The following AMPH variants were observed in gnomAD, a reference collection of about 807,000 sequenced individuals.
The protein encoded by AMPH is amphiphysin.
AMPH carries 49 observed loss-of-function variants against 99.1 expected under a neutral mutation model. That is an observed-to-expected ratio of 0.49 (90% CI 0.39 to 0.63). The LOEUF (loss-of-function observed/expected upper bound fraction) is 0.63. Ranked by LOEUF, AMPH falls within the 20% of genes least tolerant of loss-of-function variation. The pLI is 0.00. For synonymous variants in AMPH, 314 were observed against 317.3 expected (o/e 0.99, Z 0.11); for missense variants, 759 against 863.4 (o/e 0.88, Z 1.52).
chr7:38,384,845 T>A lies in AMPH; in HGVS notation c.2061A>T (p.Pro687=), dbSNP rs757656362. The change falls in exon 21 of 21, where the codon CCA becomes CCT. Residue 687 remains proline, a synonymous_variant. Transcript: ENST00000356264. ...AATCTAAGCGTCGGGTGAAGTTCTC[T>A]GGAAAGAGGCCTTTGTAGGTGGCAA... ...RDLATYKGLF[P]ENFTRRLD The A allele has an allele frequency of 3.1e-6, 5 of 1,613,966 alleles. No individual in the cohort carries two copies. In the African/African-American group the frequency reaches 4.0e-5, roughly 13 times the overall value.
chr7:38,418,721 C>G (rs992026171), intron 16 of AMPH, among the ~76,000 whole-genome samples: 4 of 152,076 alleles, frequency 2.6e-5, no homozygotes, highest in African/African-American at 9.7e-5. Context: ...TTTAAAGAAC[C>G]ACAGGGCAGT....
At chr7:38,431,666 A>C (rs1786034551) in intron 13 of AMPH, among the ~76,000 whole-genome samples, 1 of 152,116 alleles carries the variant, frequency 6.6e-6, no homozygotes, top group Non-Finnish European at 1.5e-5. Context: ...TAAAAAAAAA[A>C]AAAAAAAAAA....
At chr7:38,545,089 A>G (rs1321206725) in intron 1 of AMPH, among the ~76,000 whole-genome samples, 1 of 152,242 alleles carries the variant, frequency 6.6e-6, no homozygotes, top group Non-Finnish European at 1.5e-5. Flanking sequence ...GAGCAATTCT[A>G]TAATTTCAAG....
chr7:38,582,736 A>G (rs1432472828), intron 1 of AMPH, among the ~76,000 whole-genome samples: 2 of 152,216 alleles, frequency 1.3e-5, no homozygotes, highest in Admixed American at 6.5e-5. Flanking sequence ...ACATGCATGC[A>G]TATACTTATA....
At chr7:38,593,503 G>A (rs1411524107) in intron 1 of AMPH, among the ~76,000 whole-genome samples, 2 of 152,170 alleles carry the variant, frequency 1.3e-5, no homozygotes, top group African/African-American at 2.4e-5. Context: ...AATATTAAAG[G>A]ACCTGTAATT....
At chr7:38,605,370 T>C (rs1015554367) in intron 1 of AMPH, among the ~76,000 whole-genome samples, 2 of 152,208 alleles carry the variant, frequency 1.3e-5, no homozygotes, top group Non-Finnish European at 2.9e-5. Context: ...TTCTGCTGTA[T>C]ATTAGTCAAT....
intron 5 of AMPH, among the ~76,000 whole-genome samples, chr7:38,483,110 G>A (rs1468151460): frequency 6.6e-6 from 1 of 152,144 alleles, no homozygotes; most frequent in Admixed American, 6.6e-5. Context: ...TCAGTGAAGA[G>A]TGAAGAAATA....
intron 3 of AMPH, among the ~76,000 whole-genome samples, chr7:38,503,021 C>A (rs189214764): frequency 6.8e-6 from 1 of 146,722 alleles, no homozygotes; most frequent in Non-Finnish European, 1.5e-5. Context: ...GGGCAGGCAG[C>A]GTGATGATGG....
In AMPH at chr7:38,417,788, C is replaced by T. The variant is rs377750480; in HGVS notation, c.1398+37G>A. 8.1e-6 allele frequency: 13 copies of T among 1,608,240 alleles called. No homozygotes were observed. In the African/African-American group the frequency reaches 1.2e-4, roughly 15 times the overall value. ...CATGAGATGAGCATGGCTGTGGCAGCGAGGCAGATGGAGGGTGAGAGGGAG... is the reference window on the plus strand; with the variant it reads ...CATGAGATGAGCATGGCTGTGGCAGTGAGGCAGATGGAGGGTGAGAGGGAG... On this transcript the variant is annotated intron_variant, in intron 17 of 20. Coordinates refer to ENST00000356264, the MANE Select transcript of AMPH (RefSeq NM_001635.4).
intron 11 of AMPH, among the ~76,000 whole-genome samples, chr7:38,457,164 T>C (rs906735191): frequency 1.3e-5 from 2 of 152,178 alleles, no homozygotes; most frequent in African/African-American, 2.4e-5. Flanking sequence ...TTGGAAGTTA[T>C]ACCAGATGCA....
chr7:38,557,981 C>T (rs1260777419), intron 1 of AMPH, among the ~76,000 whole-genome samples: 2 of 149,554 alleles, frequency 1.3e-5, no homozygotes, highest in East Asian at 2.0e-4. Context: ...CACTCCAGCC[C>T]GGGTGATAAT....
At chr7:38,504,373 G>A (rs1789251738) in intron 2 of AMPH, among the ~76,000 whole-genome samples, 1 of 152,130 alleles carries the variant, frequency 6.6e-6, no homozygotes, top group Non-Finnish European at 1.5e-5. Flanking sequence ...TGCCTGTTTT[G>A]GTTTGGATAC....
At chr7:38,596,439 G>A (rs1187479305) in intron 1 of AMPH, among the ~76,000 whole-genome samples, 1 of 152,154 alleles carries the variant, frequency 6.6e-6, no homozygotes, top group African/African-American at 2.4e-5. Context: ...GCAGTAGAGG[G>A]TAAAAGTTTT....
At chr7:38,524,528 C>G (rs1005584884) in intron 2 of AMPH, among the ~76,000 whole-genome samples, 1 of 152,116 alleles carries the variant, frequency 6.6e-6, no homozygotes, top group African/African-American at 2.4e-5. Flanking sequence ...AATTCACTGA[C>G]TTTGACAGAA....
At chr7:38,443,349 C>T (rs1786632026) in intron 11 of AMPH, among the ~76,000 whole-genome samples, 1 of 151,934 alleles carries the variant, frequency 6.6e-6, no homozygotes, top group South Asian at 2.1e-4. Flanking sequence ...CAGTTCAATT[C>T]ATTCAATACC....
chr7:38,629,878 G>T (rs1794395609), intron 1 of AMPH, among the ~76,000 whole-genome samples: 1 of 152,206 alleles, frequency 6.6e-6, no homozygotes, highest in African/African-American at 2.4e-5. Context: ...GCAGGAGGAG[G>T]ATCACTTTAG....
intron 2 of AMPH, among the ~76,000 whole-genome samples, chr7:38,516,010 C>A (rs542506525): frequency 6.6e-6 from 1 of 152,238 alleles, no homozygotes; most frequent in South Asian, 2.1e-4. Flanking sequence ...CTTCTAGCAG[C>A]CTATGCTTAT....
At chr7:38,556,594 G>T (rs1791371954) in intron 1 of AMPH, among the ~76,000 whole-genome samples, 1 of 152,196 alleles carries the variant, frequency 6.6e-6, no homozygotes, top group Non-Finnish European at 1.5e-5. Flanking sequence ...AAGGGAAAAG[G>T]TGCTTCTGGC....
Position 38,613,804 on chromosome 7 carries a change from CAA to C in AMPH, c.69+17477_69+17478del, listed in dbSNP as rs71558128. 5.7e-3 allele frequency among the ~76,000 whole-genome samples: 819 copies of C among 144,796 alleles called. 8 individuals are homozygous for C. Among genetic ancestry groups the C allele is most frequent in the African/African-American group, 0.019 (762 of 39,242 alleles). 95.0% of individuals were successfully genotyped at this position (144,796 alleles called of 152,430 possible). Reference sequence around the variant, plus strand: ...GAGGTTTAGCTGCAGGAATAAAAGCCAAAAAAAAAAAAAATAGCAGCTTCTGT... The same window carrying C: ...GAGGTTTAGCTGCAGGAATAAAAGCCAAAAAAAAAAAATAGCAGCTTCTGT... On this transcript the variant is annotated intron_variant, in intron 1 of 20. Coordinates refer to ENST00000356264, the MANE Select transcript of AMPH (RefSeq NM_001635.4).
Sources: allele counts gnomAD v4.1 joint callset (sites outside exome capture counted in the v4.1 genomes callset), GRCh38; gene constraint gnomAD v4.1.1; transcripts MANE v1.5; gene names NCBI Gene and HGNC (gene_info 2026-07-23, HGNC 2026-07-21).